CDH18: variants seen among roughly 807,000 people sequenced by gnomAD.
The protein encoded by CDH18 is cadherin-18.
A neutral mutation model predicts 67.9 loss-of-function variants in CDH18; 31 were observed. The observed-to-expected ratio is 0.46, with a 90% CI of 0.34 to 0.62. The LOEUF (loss-of-function observed/expected upper bound fraction) is 0.62, where lower values mean the gene tolerates loss of function less well. CDH18 is among the 20% of genes least tolerant of loss of function. The pLI is 0.01. For synonymous variants in CDH18, 362 were observed against 347.2 expected, an observed-to-expected ratio of 1.04 and a Z score of -0.48; for missense variants, 890 against 975.5, an observed-to-expected ratio of 0.91 and a Z score of 1.17.
intron 3 of CDH18, among the ~76,000 whole-genome samples, chr5:19,791,356 A>AACACACACACACACACACACACACAC (rs58429751): frequency 7.1e-6 from 1 of 141,542 alleles, no homozygotes; most frequent in African/African-American, 2.6e-5. Flanking sequence ...TCGACTTTTA[A>AACACACACACACACACACACACACAC]ACACACACAC....
intron 8 of CDH18, among the ~76,000 whole-genome samples, chr5:19,552,508 G>A (rs961997744): frequency 2.6e-5 from 4 of 152,070 alleles, no homozygotes; most frequent in African/African-American, 7.2e-5. Context: ...GGGAGAAAAC[G>A]TTGAAATAGA....
intron 8 of CDH18, among the ~76,000 whole-genome samples, chr5:19,569,345 C>T (rs907959140): frequency 1.3e-5 from 2 of 152,114 alleles, no homozygotes; most frequent in African/African-American, 4.8e-5. Flanking sequence ...TTTTCTTCAG[C>T]TCATTGCCTC....
chr5:20,287,595 T>C (rs1199456377), intron 1 of CDH18, among the ~76,000 whole-genome samples: 2 of 151,812 alleles, frequency 1.3e-5, no homozygotes, highest in Non-Finnish European at 3.0e-5. Flanking sequence ...GTTTAAAATG[T>C]TTGATACTAG....
At position 20,423,411 on chromosome 5, in the gene CDH18, T is replaced by C. The variant is rs546450230; in HGVS notation, c.-580+152051A>G. On this transcript the variant is annotated intron_variant, in intron 1 of 14. Coordinates refer to the CDH18 transcript ENST00000507958. ...AAATTGGAGCATATAATAAGGATTT[T>C]AAGAAATGTTTGTTCAATTGAAATA... 3.4e-4 allele frequency among the ~76,000 whole-genome samples: 51 copies of C among 151,286 alleles called. 1 individual carries two copies. Among genetic ancestry groups the C allele is most frequent in the Admixed American group, 7.2e-4 (11 of 15,246 alleles).
intron 4 of CDH18, among the ~76,000 whole-genome samples, chr5:19,732,641 G>T (rs1767768032): frequency 6.6e-6 from 1 of 152,088 alleles, no homozygotes. Flanking sequence ...ACACCCATGG[G>T]AATATCTACT....
intron 2 of CDH18, among the ~76,000 whole-genome samples, chr5:20,172,112 C>G (rs1217009651): frequency 6.9e-6 from 1 of 144,424 alleles, no homozygotes; most frequent in East Asian, 2.0e-4. Context: ...CCACCCTAAC[C>G]ACTAAATTTA....
rs765244838 is a variant in CDH18, at chr5:19,473,687, G to A, written c.1912C>T (p.Arg638Cys). 51 of 1,606,632 alleles carry A rather than the reference G, an allele frequency of 3.2e-5. No homozygotes were observed. The highest frequency in any genetic ancestry group is 3.7e-5 in the Non-Finnish European group (43 of 1,176,356). ...ATGATCAAGGGCTCTTTTTTGCTGC[G>A]CCTCAGGGTGATAAAAAGTACCACA... Reference protein sequence around the residue: ...AIVVLFITLRRSKKEPLIISE... With the variant: ...AIVVLFITLRCSKKEPLIISE... Residue 638 changes from arginine to cysteine, a missense_variant, in exon 13 of 13, where the codon CGC (arginine) becomes TGC (cysteine). Around this residue, in one of 2 missense-constraint regions of CDH18, gnomAD observed 656 missense variants for 668.1 expected, o/e 0.98. Coordinates refer to ENST00000382275, the MANE Select transcript of CDH18 (RefSeq NM_004934.5).
At chr5:20,168,609 T>C (rs556860866) in intron 2 of CDH18, among the ~76,000 whole-genome samples, 17 of 152,244 alleles carry the variant, frequency 1.1e-4, no homozygotes, top group African/African-American at 3.6e-4. Context: ...AAATAGACTA[T>C]ATAAAAATAG....
chr5:19,937,886 A>AT (rs1399563756), intron 2 of CDH18, among the ~76,000 whole-genome samples: 1 of 150,444 alleles, frequency 6.6e-6, no homozygotes, highest in African/African-American at 2.4e-5. Context: ...GAGAAAGGAA[A>AT]TTTTTTTTAT....
At chr5:20,152,321 A>C (rs1014807076) in intron 2 of CDH18, among the ~76,000 whole-genome samples, 4 of 149,154 alleles carry the variant, frequency 2.7e-5, no homozygotes, top group Non-Finnish European at 4.4e-5. Context: ...AAACACTATG[A>C]ACAGATACAT....
At chr5:20,486,681 G>GTATATA (rs750113034) in intron 1 of CDH18, among the ~76,000 whole-genome samples, 1,461 of 122,604 alleles carry the variant, frequency 0.012, 32 homozygotes, top group African/African-American at 0.044. Context: ...TGCTATTTTT[G>GTATATA]TATATATATA....
At chr5:19,791,825 C>G (rs1378376551) in intron 3 of CDH18, among the ~76,000 whole-genome samples, 1 of 152,138 alleles carries the variant, frequency 6.6e-6, no homozygotes, top group Non-Finnish European at 1.5e-5. Context: ...AATGGATTTA[C>G]TTATTCATTT....
At chr5:19,774,443 AAAAT>A (rs1480476384) in intron 3 of CDH18, among the ~76,000 whole-genome samples, 3 of 150,688 alleles carry the variant, frequency 2.0e-5, no homozygotes, top group African/African-American at 7.3e-5. Flanking sequence ...AAAATAAAAT[AAAAT>A]AAATAAATAA....
intron 5 of CDH18, among the ~76,000 whole-genome samples, chr5:19,625,788 AG>A (rs1751445844): frequency 6.6e-6 from 1 of 151,996 alleles, no homozygotes; most frequent in Admixed American, 6.6e-5. Flanking sequence ...GAGCCACAGA[AG>A]TTCACCCCAT....
chr5:19,952,116 T>A (rs1304157577), intron 2 of CDH18, among the ~76,000 whole-genome samples: 2 of 152,164 alleles, frequency 1.3e-5, no homozygotes, highest in Non-Finnish European at 2.9e-5. Flanking sequence ...TGGCGCCATT[T>A]CAGCTAACTG....
chr5:19,942,790 GA>G (rs1794945559), intron 2 of CDH18, among the ~76,000 whole-genome samples: 1 of 152,168 alleles, frequency 6.6e-6, no homozygotes, highest in Admixed American at 6.6e-5. Context: ...GTGGAAGTAT[GA>G]GGCAAACCTC....
intron 5 of CDH18, among the ~76,000 whole-genome samples, chr5:19,656,170 C>G (rs957112757): frequency 3.3e-5 from 5 of 151,710 alleles, no homozygotes; most frequent in African/African-American, 4.8e-5. Context: ...TATTTCTGAA[C>G]ACATTAAAAA....
chr5:20,261,610 G>C (rs772807955), intron 1 of CDH18, among the ~76,000 whole-genome samples: 4 of 152,012 alleles, frequency 2.6e-5, no homozygotes, highest in Non-Finnish European at 4.4e-5. Flanking sequence ...GCGTGGTGGC[G>C]GGTGCCTGTA....
At chr5:20,550,098 T>G (rs1757551161) in intron 1 of CDH18, among the ~76,000 whole-genome samples, 1 of 152,160 alleles carries the variant, frequency 6.6e-6, no homozygotes, top group Admixed American at 6.6e-5. Context: ...GACAATGTGT[T>G]CAATTTTGAG....
Sources: gnomAD v4.1 joint callset for allele counts (sites outside exome capture counted in the v4.1 genomes callset) on GRCh38, gnomAD v4.1.1 for gene constraint, gnomAD v4.1.1 regional missense constraint, MANE v1.5 for transcripts, NCBI Gene and HGNC (gene_info 2026-07-23, HGNC 2026-07-21) for gene names.